ZNF770: variants seen among roughly 807,000 people sequenced by gnomAD.
ZNF770 encodes zinc finger protein 770.
ZNF770 carries 13 observed loss-of-function variants against 44.8 expected under a neutral mutation model. The observed-to-expected ratio is 0.29, with a 90% CI of 0.19 to 0.46. ZNF770 has a LOEUF of 0.46. Ranked by LOEUF, ZNF770 falls within the 20% of genes least tolerant of loss-of-function variation. The pLI is 1.00. For synonymous variants in ZNF770, 304 were observed against 271.8 expected (o/e 1.12, Z -1.17); for missense variants, 681 against 797.9 (o/e 0.85, Z 1.77).
chr15:34,987,285 C>T (rs968486977), intron 2 of ZNF770, among the ~76,000 whole-genome samples: 3 of 152,196 alleles, frequency 2.0e-5, no homozygotes, highest in African/African-American at 4.8e-5. Context: ...TTACTGGGAG[C>T]CCTAGATTGT....
Position 34,979,218 on chromosome 15 carries a change from CCT to C in ZNF770, c.*2139_*2140del, listed in dbSNP as rs1202692533. On this transcript the variant is annotated 3_prime_UTR_variant, in exon 3 of 3. Transcript: ENST00000356321. ...CAAGCACAACACTGTTAGGACTCTC[CCT>C]GTTTAGGCTGGGAAAAACATTATAC... 1.3e-5 allele frequency: 2 copies of C among 156,930 alleles called. No individual in the cohort carries two copies. Among genetic ancestry groups the C allele is most frequent in the Admixed American group, 6.5e-5 (1 of 15,332 alleles). 9.7% of individuals were successfully genotyped at this position (156,930 alleles called of 1,614,324 possible). A position where few individuals can be genotyped will look rare whatever the true frequency, so the allele number is the denominator to read the frequency against.
At chr15:34,988,025 G>T (rs1225774692) in intron 1 of ZNF770, 91 bp downstream of exon 1, 1 of 152,304 alleles carries the variant, frequency 6.6e-6, no homozygotes, top group East Asian at 1.9e-4. Flanking sequence ...TCTGCTCCGC[G>T]TGAGACGCAC....
chr15:34,985,133 CAAAAAAAAA>C (rs59814718), intron 2 of ZNF770, among the ~76,000 whole-genome samples: 7 of 105,794 alleles, frequency 6.6e-5, no homozygotes, highest in African/African-American at 1.2e-4. Context: ...GAGACTGTCT[CAAAAAAAAA>C]AAAAAAAAAA....
Position 34,980,648 on chromosome 15 carries a change from GCA to G in ZNF770, c.*709_*710del, listed in dbSNP as rs1491508532. On this transcript the variant is annotated 3_prime_UTR_variant, in exon 3 of 3. Coordinates refer to ENST00000356321, the MANE Select transcript of ZNF770 (RefSeq NM_014106.4). ...AAAAATTAGCCAGGCGTGATGGCAG[GCA>G]CCTGTAATCCCAGCTACTCAGGAGG... 6.6e-6 allele frequency: 1 copy of G among 152,082 alleles called. No individual in the cohort carries two copies. The highest frequency in any genetic ancestry group is 2.4e-5 in the African/African-American group (1 of 41,356). The allele number at this position is 152,082 out of a possible 1,614,324, so 9.4% of individuals were successfully genotyped here.
rs960034540 is a variant in ZNF770, at chr15:34,980,139, C to T, written c.*1220G>A. 5 of 152,756 alleles carry T rather than the reference C, an allele frequency of 3.3e-5. No homozygotes were observed. Among genetic ancestry groups the T allele is most frequent in the African/African-American group, 1.2e-4 (5 of 41,412 alleles). The allele number at this position is 152,756 out of a possible 1,614,324, so 9.5% of individuals were successfully genotyped here. On this transcript the variant is annotated 3_prime_UTR_variant, in exon 3 of 3. Transcript: ENST00000356321. ...CTTAGAACAGGCTTAAATAACAGAA[C>T]CACTCCATTAAAGAGGCATAGAAAG...
rs1167671246 is a variant in ZNF770, at chr15:34,980,366, T to C, written c.*993A>G. 3 of 152,084 alleles carry C rather than the reference T, an allele frequency of 2.0e-5. No individual in the cohort carries two copies. The highest frequency in any genetic ancestry group is 7.2e-5 in the African/African-American group (3 of 41,390). The allele number at this position is 152,084 out of a possible 1,614,324, so 9.4% of individuals were successfully genotyped here. On this transcript the variant is annotated 3_prime_UTR_variant, in exon 3 of 3. Transcript: ENST00000356321. The stretch of plus-strand genomic sequence containing the variant: ...GGTAAGTAAACATGGTAAATATAGG[T>C]ACATCCTAGCCTCTCGCCTACTTTT...
rs1436522259 is a variant in ZNF770 at position 34,979,732 on chromosome 15, T to G, written c.*1627A>C. 2.3e-6 allele frequency: 1 copy of G among 441,344 alleles called. No individual in the cohort carries two copies. The highest frequency in any genetic ancestry group is 4.5e-6 in the Non-Finnish European group (1 of 221,310). 27.3% of individuals were successfully genotyped at this position (441,344 alleles called of 1,614,324 possible). The stretch of plus-strand genomic sequence containing the variant: ...ACTTACAATTGTTCATTTATCCACA[T>G]TCTCAATAGAGGATTTTCCACTATA... On this transcript the variant is annotated 3_prime_UTR_variant, in exon 3 of 3. Coordinates refer to ENST00000356321, the MANE Select transcript of ZNF770 (RefSeq NM_014106.4).
chr15:34,985,838 G>T (rs1199457744), intron 2 of ZNF770, among the ~76,000 whole-genome samples: 2 of 151,968 alleles, frequency 1.3e-5, no homozygotes, highest in African/African-American at 4.8e-5. Flanking sequence ...AGGTTGCAGT[G>T]AGCCGCCAAG....
intron 2 of ZNF770, among the ~76,000 whole-genome samples, chr15:34,983,785 T>C (rs2050417677): frequency 6.6e-6 from 1 of 152,224 alleles, no homozygotes. Context: ...GAAATAGATA[T>C]TTTAATTCCA....
At position 34,979,659 on chromosome 15, in the gene ZNF770, C is replaced by T. The variant is rs560183218; in HGVS notation, c.*1700G>A. 2.4e-4 allele frequency: 109 copies of T among 449,886 alleles called. No individual in the cohort carries two copies. Among genetic ancestry groups the T allele is most frequent in the South Asian group, 1.5e-3 (97 of 63,176 alleles). 27.9% of individuals were successfully genotyped at this position (449,886 alleles called of 1,614,324 possible). A position where few individuals can be genotyped will look rare whatever the true frequency, so the allele number is the denominator to read the frequency against. On this transcript the variant is annotated 3_prime_UTR_variant, in exon 3 of 3. Transcript: ENST00000356321. ...AGCAGATCACCCCCACCTACTATCC[C>T]TCCCGCCTCCCCCCTGTCAAAAGAA... is the stretch of plus-strand genomic sequence containing the variant.
In ZNF770 at chr15:34,981,228, T is replaced by C. The variant is rs955861816; in HGVS notation, c.*131A>G. 4.5e-6 allele frequency: 4 copies of C among 897,400 alleles called. No homozygotes were observed. Among genetic ancestry groups the C allele is most frequent in the Non-Finnish European group, 6.5e-6 (4 of 613,446 alleles). 55.6% of individuals were successfully genotyped at this position (897,400 alleles called of 1,614,324 possible). A position where few individuals can be genotyped will look rare whatever the true frequency, so the allele number is the denominator to read the frequency against. On this transcript the variant is annotated 3_prime_UTR_variant, in exon 3 of 3. Coordinates refer to ENST00000356321, the MANE Select transcript of ZNF770 (RefSeq NM_014106.4). ...TTTTCTATGTATTCTACCTCCTTACTATGCAGGACAAGCAAATGCCTGTGA... is the reference window on the plus strand; with the variant it reads ...TTTTCTATGTATTCTACCTCCTTACCATGCAGGACAAGCAAATGCCTGTGA...
Position 34,982,144 on chromosome 15 carries a change from T to C in ZNF770, c.1291A>G (p.Ile431Val). The C allele has an allele frequency of 1.9e-6, 3 of 1,613,930 alleles. No homozygotes were observed. The highest frequency in any genetic ancestry group is 1.7e-6 in the Non-Finnish European group (2 of 1,179,968). The change falls in exon 3 of 3, where the codon ATT (isoleucine) becomes GTT (valine). Residue 431 changes from isoleucine to valine, a missense_variant. By Grantham distance (29) the Ile-to-Val change is conservative. Transcript: ENST00000356321. ...TCTTTCTTATTCACTGAATTATCAA[T>C]GCTTAATATGTTTTCTGTCGTAAGG... Reference protein sequence around the residue: ...GILTTENILSIDNSVNKKDLS... With the variant: ...GILTTENILSVDNSVNKKDLS...
At chr15:34,985,121 G>A (rs1435025048) in intron 2 of ZNF770, among the ~76,000 whole-genome samples, 7 of 134,864 alleles carry the variant, frequency 5.2e-5, no homozygotes, top group African/African-American at 1.2e-4. Flanking sequence ...GCAACAGAGC[G>A]AGAGACTGTC....
chr15:34,982,640 T>G lies in ZNF770; in HGVS notation c.795A>C (p.Ala265=), dbSNP rs755410041. Residue 265 remains alanine, a synonymous_variant, in exon 3 of 3, where the codon GCA becomes GCC. Coordinates refer to ENST00000356321, the MANE Select transcript of ZNF770 (RefSeq NM_014106.4). The part of the protein sequence containing the change: ...ESRPLPNKLN[A]NQGGFENGEI... ...CACCATTTTCAAAACCACCCTGATT[T>G]GCATTTAACTTATTAGGCAGGGGGC... 2 of 1,612,980 alleles carry G rather than the reference T, an allele frequency of 1.2e-6. No homozygotes were observed. Among genetic ancestry groups the G allele is most frequent in the South Asian group, 1.1e-5 (1 of 91,032 alleles).
chr15:34,982,970 T>C lies in ZNF770; in HGVS notation c.465A>G (p.Arg155=), dbSNP rs1326316689. 6 of 1,614,090 alleles carry C rather than the reference T, an allele frequency of 3.7e-6. No homozygotes were observed. In the East Asian group the frequency reaches 8.9e-5, roughly 24 times the overall value. The change falls in exon 3 of 3, where the codon AGA becomes AGG. Residue 155 remains arginine, a synonymous_variant. Coordinates refer to ENST00000356321, the MANE Select transcript of ZNF770 (RefSeq NM_014106.4). ...SKSDPMYSMK[R]RKNIHACTIC... is the part of the protein sequence containing the mutation. ...TTGTACATGCATGAATATTCTTTCTTCTTTTCATGCTATACATGGGATCAG... is the reference window on the plus strand; with the variant it reads ...TTGTACATGCATGAATATTCTTTCTCCTTTTCATGCTATACATGGGATCAG...
In ZNF770 at chr15:34,982,418, G is replaced by A. The variant is rs759082549; in HGVS notation, c.1017C>T (p.Ile339=). The A allele has an allele frequency of 2.5e-6, 4 of 1,613,488 alleles. No homozygotes were observed. The highest frequency in any genetic ancestry group is 2.2e-5 in the East Asian group (1 of 44,864). Residue 339 remains isoleucine (I), a synonymous_variant, in exon 3 of 3, where the codon ATC becomes ATT. Transcript: ENST00000356321. The part of the protein sequence containing the change: ...SYNYKTIVKK[I]LAKLKRARSK... ...TCCTAGCACGCTTAAGCTTGGCCAAGATTTTTTTAACAATGGTTTTATAGT... is the reference window on the plus strand; with the variant it reads ...TCCTAGCACGCTTAAGCTTGGCCAAAATTTTTTTAACAATGGTTTTATAGT...
rs1271510363 is a variant in ZNF770 at position 34,980,763 on chromosome 15, G to C, written c.*596C>G. On this transcript the variant is annotated 3_prime_UTR_variant, in exon 3 of 3. Transcript: ENST00000356321. ...CTGCACTCTAGCCTGGCGAAAGAGT[G>C]AGACTCCATCTCAAAAAAAAAGACC... is the stretch of plus-strand genomic sequence containing the variant. 1.3e-5 allele frequency: 2 copies of C among 151,198 alleles called. No homozygotes were observed. The highest frequency in any genetic ancestry group is 2.9e-5 in the Non-Finnish European group (2 of 68,040). The allele number at this position is 151,198 out of a possible 1,614,324, so 9.4% of individuals were successfully genotyped here.
chr15:34,987,202 CG>C (rs1182543126), intron 2 of ZNF770, among the ~76,000 whole-genome samples: 1 of 152,246 alleles, frequency 6.6e-6, no homozygotes, highest in East Asian at 1.9e-4. Flanking sequence ...AAAGGAGCTA[CG>C]GTTAATCATC....
Position 34,982,680 on chromosome 15 carries a change from CTCT to C in ZNF770, c.752_754del (p.Lys251del). 1 of 1,612,620 alleles carries C rather than the reference CTCT, an allele frequency of 6.2e-7. No individual in the cohort carries two copies. The highest frequency in any genetic ancestry group is 8.5e-7 in the Non-Finnish European group (1 of 1,179,952). The stretch of plus-strand genomic sequence containing the variant: ...AGGCAGGGGGCGAGATTCTGTACGC[CTCT>C]TCTTTAATAAAAGAGCCCGAAAAGC... On this transcript the variant is annotated inframe_deletion, in exon 3 of 3. Coordinates refer to ENST00000356321, the MANE Select transcript of ZNF770 (RefSeq NM_014106.4).
Sources: gnomAD v4.1 joint callset for allele counts (sites outside exome capture counted in the v4.1 genomes callset) on GRCh38, gnomAD v4.1.1 for gene constraint, MANE v1.5 for transcripts, NCBI Gene and HGNC (gene_info 2026-07-23, HGNC 2026-07-21) for gene names.